A1CF: variants seen among roughly 807,000 people sequenced by gnomAD.
The protein encoded by A1CF is APOBEC-1 stimulating protein.
In A1CF, 48 loss-of-function variants were observed where a neutral mutation model predicts 68.9. The ratio of observed to expected loss-of-function variants is 0.70; its 90% CI spans 0.55 to 0.89. The LOEUF (loss-of-function observed/expected upper bound fraction) is 0.89. A1CF is among the 40% of genes least tolerant of loss of function. The pLI, the probability that A1CF is intolerant of heterozygous loss-of-function variation, is 0.00. For synonymous variants in A1CF, 272 were observed against 260.4 expected (o/e 1.04, Z -0.43); for missense variants, 653 against 718.9 (o/e 0.91, Z 1.05).
chr10:50,871,632 A>G (rs1841270979), intron 1 of A1CF, among the ~76,000 whole-genome samples: 10 of 152,090 alleles, frequency 6.6e-5, no homozygotes, highest in Admixed American at 6.6e-4. Context: ...AGATTAATGG[A>G]GTAAAATAAA....
chr10:50,869,781 T>A (rs1841163742), intron 1 of A1CF, among the ~76,000 whole-genome samples: 1 of 152,070 alleles, frequency 6.6e-6, no homozygotes, highest in Non-Finnish European at 1.5e-5. Flanking sequence ...GTATTAATTT[T>A]TATATTCAAA....
At chr10:50,827,022 A>G (rs908866432) in intron 7 of A1CF, among the ~76,000 whole-genome samples, 2 of 152,228 alleles carry the variant, frequency 1.3e-5, no homozygotes, top group African/African-American at 4.8e-5. Context: ...AACAAAGATC[A>G]AAAGAGACAA....
At chr10:50,813,256 A>G (rs1404149498) in intron 10 of A1CF, among the ~76,000 whole-genome samples, 1 of 152,224 alleles carries the variant, frequency 6.6e-6, no homozygotes, top group Non-Finnish European at 1.5e-5. Context: ...ATTTTCCAAT[A>G]ATAAAAACCA....
Position 50,801,951 on chromosome 10 carries a change from A to G in A1CF, c.*4778T>C, listed in dbSNP as rs1837616657. On this transcript the variant is annotated 3_prime_UTR_variant, in exon 13 of 13. Transcript: ENST00000373997. ...ATCTCCCACAAATGAGCCTACATAT[A>G]CATTGCTATCTATATTAAACCTATG... The G allele has an allele frequency of 6.6e-6, 1 of 152,218 alleles. No homozygotes were observed. 9.4% of individuals were successfully genotyped at this position (152,218 alleles called of 1,614,324 possible).
chr10:50,874,205 C>A (rs1285196308), intron 1 of A1CF, among the ~76,000 whole-genome samples: 2 of 151,896 alleles, frequency 1.3e-5, no homozygotes, highest in Admixed American at 1.3e-4. Context: ...ATCATTTTTG[C>A]AAAACAATCC....
At chr10:50,846,152 A>G (rs1432688649) in intron 3 of A1CF, among the ~76,000 whole-genome samples, 2 of 152,186 alleles carry the variant, frequency 1.3e-5, no homozygotes, top group African/African-American at 2.4e-5. Flanking sequence ...ACAAGTAGAA[A>G]ATTCCACACC....
chr10:50,841,445 G>A (rs1201064630), intron 5 of A1CF, among the ~76,000 whole-genome samples: 1 of 152,172 alleles, frequency 6.6e-6, no homozygotes, highest in Non-Finnish European at 1.5e-5. Context: ...CTCTGCCAGA[G>A]AGTATTTTCT....
In A1CF at chr10:50,801,045, G is replaced by A. The variant is rs1352316028; in HGVS notation, c.*5684C>T. 1 of 152,232 alleles carries A rather than the reference G, an allele frequency of 6.6e-6. No individual in the cohort carries two copies. The highest frequency in any genetic ancestry group is 6.6e-5 in the Admixed American group (1 of 15,260). 9.4% of individuals were successfully genotyped at this position (152,232 alleles called of 1,614,324 possible). Reference sequence around the variant, plus strand: ...GTGGATCTCTACAGACCAAGCAAGTGTCCCCAAGAGCTATCTTTTGTCTTG... The same window carrying A: ...GTGGATCTCTACAGACCAAGCAAGTATCCCCAAGAGCTATCTTTTGTCTTG... On this transcript the variant is annotated 3_prime_UTR_variant, in exon 13 of 13. Coordinates refer to ENST00000373997, the MANE Select transcript of A1CF (RefSeq NM_014576.4).
intron 9 of A1CF, among the ~76,000 whole-genome samples, chr10:50,814,710 C>T (rs1249819622): frequency 1.3e-5 from 2 of 152,118 alleles, no homozygotes; most frequent in East Asian, 3.8e-4. Flanking sequence ...ATTGATTACC[C>T]TTCATCCATG....
chr10:50,821,101 A>T (rs1310443063), intron 7 of A1CF, among the ~76,000 whole-genome samples: 2 of 152,162 alleles, frequency 1.3e-5, no homozygotes, highest in Non-Finnish European at 2.9e-5. Context: ...ACTTTTAAAA[A>T]TTTAAATATT....
chr10:50,823,536 A>G (rs1838776084), intron 7 of A1CF: 1 of 152,186 alleles, frequency 6.6e-6, no homozygotes, highest in African/African-American at 2.4e-5. Context: ...TGGTTCCCGA[A>G]GTGTGGTGCC....
chr10:50,822,245 A>G (rs138789290), intron 7 of A1CF, among the ~76,000 whole-genome samples: 348 of 152,278 alleles, frequency 2.3e-3, no homozygotes, highest in Non-Finnish European at 3.6e-3. Flanking sequence ...TCCTTACTCA[A>G]TTTTAAAAAT....
intron 1 of A1CF, among the ~76,000 whole-genome samples, chr10:50,884,530 C>T (rs188856229): frequency 1.4e-4 from 21 of 152,270 alleles, no homozygotes; most frequent in Admixed American, 1.0e-3. Flanking sequence ...CCATAGCACA[C>T]GTTATAAAGA....
At chr10:50,873,575 A>G (rs78572411) in intron 1 of A1CF, among the ~76,000 whole-genome samples, 4,426 of 152,224 alleles carry the variant, frequency 0.029, 241 homozygotes, top group African/African-American at 0.1. Context: ...GGTGACACCC[A>G]TGGCTAAAGA....
chr10:50,812,237 C>T (rs1011513022), intron 10 of A1CF, among the ~76,000 whole-genome samples: 1 of 152,100 alleles, frequency 6.6e-6, no homozygotes, highest in African/African-American at 2.4e-5. Flanking sequence ...CAAACCTGGG[C>T]GGAAGGAACA....
chr10:50,872,779 C>T lies in A1CF; in HGVS notation c.-93-8699G>A, dbSNP rs12262186. Among the ~76,000 whole-genome samples, 1,432 of 152,036 alleles carry T rather than the reference C, an allele frequency of 9.4e-3. 30 individuals are homozygous for T. The highest frequency in any genetic ancestry group is 0.033 in the African/African-American group (1,357 of 41,470). On this transcript the variant is annotated intron_variant, in intron 1 of 12. Coordinates refer to ENST00000373997, the MANE Select transcript of A1CF (RefSeq NM_014576.4). The stretch of plus-strand genomic sequence containing the variant: ...CTCGGACACATCAAGGATTGATCCC[C>T]TGTGGATATGGTCCAAATGGACCCA...
intron 3 of A1CF, among the ~76,000 whole-genome samples, chr10:50,852,567 A>G (rs751120721): frequency 1.3e-5 from 2 of 152,178 alleles, no homozygotes; most frequent in Non-Finnish European, 2.9e-5. Flanking sequence ...TATTTAAAGA[A>G]TTGGTATCCG....
chr10:50,877,253 G>C (rs1841555007), intron 1 of A1CF, among the ~76,000 whole-genome samples: 1 of 152,122 alleles, frequency 6.6e-6, no homozygotes, highest in South Asian at 2.1e-4. Flanking sequence ...AATAGTCCTG[G>C]TACCAATTAT....
In A1CF at chr10:50,809,963, G is replaced by A. The variant is rs775846117; in HGVS notation, c.1540C>T (p.Leu514=). ...TYAAEYTLQT[L]GIPTDGGDGT... ...TCGCCTCCATCAGTGGGGATGCCCA[G>A]GGTCTGCAGGGTGTATTCGGCTGCA... is the stretch of plus-strand genomic sequence containing the variant. Residue 514 remains leucine (L), a synonymous_variant, in exon 12 of 13, where the codon CTG becomes TTG. Transcript: ENST00000373997. The A allele has an allele frequency of 8.1e-6, 13 of 1,613,918 alleles. No individual in the cohort carries two copies. The African/African-American group carries it at 1.3e-4, about 17-fold the overall frequency.
Sources: allele counts gnomAD v4.1 joint callset (sites outside exome capture counted in the v4.1 genomes callset), GRCh38; gene constraint gnomAD v4.1.1; transcripts MANE v1.5; gene names NCBI Gene and HGNC (gene_info 2026-07-23, HGNC 2026-07-21).